RYR2: variants seen among roughly 807,000 people sequenced by gnomAD.
RYR2 encodes the protein cardiac muscle ryanodine receptor-calcium release channel.
Under a neutral mutation model 601.1 loss-of-function variants are expected in RYR2, and 227 were observed. That is an observed-to-expected ratio of 0.38 (90% CI 0.34 to 0.42). The LOEUF is 0.42. Among genes scored for constraint, RYR2 ranks in the 10% least tolerant of loss-of-function variants. RYR2 has a pLI of 1.00. For missense variants in RYR2, 4,646 were observed against 6,156.5 expected (o/e 0.75, Z 8.21); for synonymous variants, 2,223 against 2,175.1 (o/e 1.02, Z -0.61).
At chr1:237,679,222 C>T (rs1685648076) in intron 61 of RYR2, among the ~76,000 whole-genome samples, 1 of 152,054 alleles carries the variant, frequency 6.6e-6, no homozygotes, top group African/African-American at 2.4e-5. Flanking sequence ...TCTAATTTTC[C>T]CTTTAAAATA....
At chr1:237,270,119 G>A (rs1689532432) in intron 1 of RYR2, among the ~76,000 whole-genome samples, 1 of 152,084 alleles carries the variant, frequency 6.6e-6, no homozygotes, top group South Asian at 2.1e-4. Flanking sequence ...GATGATACTT[G>A]GTGTCCTAGA....
chr1:237,521,914 G>A (rs1667126260), intron 24 of RYR2, among the ~76,000 whole-genome samples: 1 of 151,926 alleles, frequency 6.6e-6, no homozygotes, highest in Admixed American at 6.6e-5. Flanking sequence ...TGTGTTGCTT[G>A]CCTGTCCACA....
intron 12 of RYR2, among the ~76,000 whole-genome samples, chr1:237,432,638 T>A (rs550106582): frequency 6.6e-6 from 1 of 152,266 alleles, no homozygotes; most frequent in African/African-American, 2.4e-5. Context: ...CTCTGGATAT[T>A]ACAAATTTGG....
chr1:237,456,562 A>T, intron 15 of RYR2, 38 bp from the exon 16 acceptor site: 1 of 1,446,336 alleles, frequency 6.9e-7, no homozygotes. Context: ...ACAGTTTTGG[A>T]TGTCTGATTG....
intron 1 of RYR2, among the ~76,000 whole-genome samples, chr1:237,215,394 T>A (rs1279486176): frequency 6.6e-6 from 1 of 152,218 alleles, no homozygotes; most frequent in East Asian, 1.9e-4. Flanking sequence ...TGGATTAAGA[T>A]GTTGTAAATG....
At chr1:237,100,515 C>A (rs1356927321) in intron 1 of RYR2, among the ~76,000 whole-genome samples, 1 of 151,770 alleles carries the variant, frequency 6.6e-6, no homozygotes, top group Non-Finnish European at 1.5e-5. Flanking sequence ...GCTTCCTGAG[C>A]AGCTAGGATT....
chr1:237,311,335 T>C (rs1057372448), intron 2 of RYR2, among the ~76,000 whole-genome samples: 12 of 152,174 alleles, frequency 7.9e-5, no homozygotes, highest in African/African-American at 2.9e-4. Context: ...TTATTGTTAA[T>C]TACAAATCTT....
At chr1:237,390,679 G>A (rs1702303735) in intron 10 of RYR2, among the ~76,000 whole-genome samples, 1 of 152,120 alleles carries the variant, frequency 6.6e-6, no homozygotes, top group Admixed American at 6.5e-5. Flanking sequence ...TCGATGGCTA[G>A]TTATGATTGC....
At chr1:237,122,093 T>C (rs750340915) in intron 1 of RYR2, among the ~76,000 whole-genome samples, 1 of 152,190 alleles carries the variant, frequency 6.6e-6, no homozygotes, top group Non-Finnish European at 1.5e-5. Context: ...ATAATAGGCT[T>C]ATAAAATTTG....
chr1:237,287,546 C>T (rs575451440), intron 2 of RYR2, among the ~76,000 whole-genome samples: 4 of 152,090 alleles, frequency 2.6e-5, no homozygotes, highest in Non-Finnish European at 4.4e-5. Context: ...TGGCTTAATT[C>T]GAAGACCTTG....
chr1:237,428,160 A>T (rs1478003025), intron 12 of RYR2, among the ~76,000 whole-genome samples: 1 of 152,256 alleles, frequency 6.6e-6, no homozygotes. Context: ...TTGGGAATAT[A>T]AATTAGCTCA....
intron 95 of RYR2, among the ~76,000 whole-genome samples, chr1:237,794,412 A>G (rs1442875708): frequency 6.6e-6 from 1 of 152,198 alleles, no homozygotes; most frequent in African/African-American, 2.4e-5. Flanking sequence ...TATCTGAGTT[A>G]TCAACTTTCA....
chr1:237,668,462 G>A (rs752793495), intron 58 of RYR2, among the ~76,000 whole-genome samples: 3 of 152,030 alleles, frequency 2.0e-5, no homozygotes, highest in Non-Finnish European at 4.4e-5. Context: ...TCAGTTTAAC[G>A]TATGCTATGC....
At chr1:237,461,147 A>G (rs934941830) in intron 16 of RYR2, among the ~76,000 whole-genome samples, 1 of 152,216 alleles carries the variant, frequency 6.6e-6, no homozygotes, top group African/African-American at 2.4e-5. Context: ...GGCAGGAACA[A>G]AGTTTGCTTT....
At chr1:237,108,821 C>T (rs903550552) in intron 1 of RYR2, among the ~76,000 whole-genome samples, 1 of 152,184 alleles carries the variant, frequency 6.6e-6, no homozygotes, top group African/African-American at 2.4e-5. Context: ...TTTCCACCAG[C>T]GTTCCAGTTT....
At chr1:237,223,844 C>T (rs1459783402) in intron 1 of RYR2, among the ~76,000 whole-genome samples, 1 of 152,198 alleles carries the variant, frequency 6.6e-6, no homozygotes, top group Non-Finnish European at 1.5e-5. Context: ...ATATGTGTGT[C>T]AAAGGAGTGC....
chr1:237,680,467 T>C lies in RYR2; in HGVS notation c.8907T>C (p.Pro2969=). 2 of 1,609,164 alleles carry C rather than the reference T, an allele frequency of 1.2e-6. No individual in the cohort carries two copies. The highest frequency in any genetic ancestry group is 2.2e-5 in the East Asian group (1 of 44,842). Residue 2969 remains proline, a synonymous_variant, in exon 62 of 105, where the codon CCT becomes CCC. Transcript: ENST00000366574. ...EIKFFAKVVL[P]LIDQYFKNHR... is the part of the protein sequence containing the mutation. ...TTCCTTTCTTTCAGGTCGTTCTTCC[T>C]TTAATTGATCAGTATTTCAAAAACC... is the stretch of plus-strand genomic sequence containing the variant.
chr1:237,202,029 A>G lies in RYR2; in HGVS notation c.49-68468A>G, dbSNP rs539359313. Among the ~76,000 whole-genome samples, 18 of 152,354 alleles carry G rather than the reference A, an allele frequency of 1.2e-4. No individual in the cohort carries two copies. The South Asian group carries it at 3.7e-3, about 32-fold the overall frequency. Reference sequence around the variant, plus strand: ...TATGAGTGCAAGATAAAATGTTCGTAGAGAAATGGGAGAAATAGGGCTGGG... The same window carrying G: ...TATGAGTGCAAGATAAAATGTTCGTGGAGAAATGGGAGAAATAGGGCTGGG... On this transcript the variant is annotated intron_variant, in intron 1 of 104. Coordinates refer to ENST00000366574, the MANE Select transcript of RYR2 (RefSeq NM_001035.3).
chr1:237,297,920 T>A (rs1271338170), intron 2 of RYR2, among the ~76,000 whole-genome samples: 3 of 123,760 alleles, frequency 2.4e-5, no homozygotes, highest in Non-Finnish European at 3.4e-5. Flanking sequence ...CTGGCTAATT[T>A]TTTGTATTTT....
Sources: allele counts gnomAD v4.1 joint callset (sites outside exome capture counted in the v4.1 genomes callset), GRCh38; gene constraint gnomAD v4.1.1; transcripts MANE v1.5; gene names NCBI Gene and HGNC (gene_info 2026-07-23, HGNC 2026-07-21).